The following CNTN6 variants were observed in gnomAD, a reference collection of about 807,000 sequenced individuals.
CNTN6 encodes contactin 6, also known as contactin-6.
A neutral mutation model predicts 122.8 loss-of-function variants in CNTN6; 137 were observed. The observed-to-expected ratio is 1.12, with a 90% CI of 0.97 to 1.29. The LOEUF (loss-of-function observed/expected upper bound fraction) is 1.29, where lower values mean the gene tolerates loss of function less well. Among genes scored for constraint, CNTN6 ranks in the 50% most tolerant of loss-of-function variants. The pLI is 0.00. For missense variants in CNTN6, 1,634 were observed against 1,223.4 expected (o/e 1.34, Z -5.01); for synonymous variants, 570 against 426.0 (o/e 1.34, Z -4.16).
chr3:1,227,761 G>A (rs1316047156), intron 3 of CNTN6, 57 bp from the exon 4 acceptor site: 9 of 1,549,052 alleles, frequency 5.8e-6, no homozygotes, highest in Non-Finnish European at 7.9e-6. Flanking sequence ...TGTTTTTTAA[G>A]ACAAAGATTG....
intron 2 of CNTN6, among the ~76,000 whole-genome samples, chr3:1,174,430 A>T (rs1006667335): frequency 2.0e-5 from 3 of 152,206 alleles, no homozygotes; most frequent in African/African-American, 7.2e-5. Context: ...ACTCAAACGG[A>T]AATTTTTTAG....
chr3:1,268,856 C>G (rs2094974147), intron 4 of CNTN6, among the ~76,000 whole-genome samples: 1 of 151,936 alleles, frequency 6.6e-6, no homozygotes, highest in Admixed American at 6.6e-5. Flanking sequence ...TGGCACACAC[C>G]TGTAATCCTA....
chr3:1,267,108 G>C (rs547808704), intron 4 of CNTN6, among the ~76,000 whole-genome samples: 1 of 151,800 alleles, frequency 6.6e-6, no homozygotes, highest in Non-Finnish European at 1.5e-5. Flanking sequence ...GAACTTTCTT[G>C]TTACCTACCA....
intron 5 of CNTN6, among the ~76,000 whole-genome samples, chr3:1,281,046 G>A (rs1433062043): frequency 1.3e-5 from 2 of 152,098 alleles, no homozygotes; most frequent in Non-Finnish European, 2.9e-5. Flanking sequence ...TACAGATCAT[G>A]CCCACAAAAG....
intron 2 of CNTN6, among the ~76,000 whole-genome samples, chr3:1,206,874 C>A (rs572321785): frequency 1.3e-5 from 2 of 152,136 alleles, no homozygotes; most frequent in Non-Finnish European, 2.9e-5. Flanking sequence ...TAGTCCATCA[C>A]TCTCATAGGA....
chr3:1,336,818 C>T (rs908992156), intron 11 of CNTN6, among the ~76,000 whole-genome samples: 2 of 152,078 alleles, frequency 1.3e-5, no homozygotes, highest in African/African-American at 2.4e-5. Flanking sequence ...TGCCTGGCTC[C>T]GCAATGCCCA....
At chr3:1,219,036 A>G (rs960367805) in intron 2 of CNTN6, among the ~76,000 whole-genome samples, 2 of 152,372 alleles carry the variant, frequency 1.3e-5, no homozygotes, top group Middle Eastern at 6.8e-3. Context: ...TAGCAAATGT[A>G]TTATAACTCA....
intron 17 of CNTN6, among the ~76,000 whole-genome samples, chr3:1,380,007 A>G (rs771886047): frequency 6.6e-6 from 1 of 152,206 alleles, no homozygotes; most frequent in Non-Finnish European, 1.5e-5. Flanking sequence ...TCAGAAGCGT[A>G]GAGGACAGAA....
intron 16 of CNTN6, among the ~76,000 whole-genome samples, chr3:1,374,421 G>T (rs1465081322): frequency 2.0e-5 from 3 of 152,040 alleles, no homozygotes; most frequent in Non-Finnish European, 4.4e-5. Flanking sequence ...TTGTAGCCAG[G>T]AATTAACTGA....
At chr3:1,362,844 A>T (rs17038231) in intron 12 of CNTN6, among the ~76,000 whole-genome samples, 3,756 of 151,934 alleles carry the variant, frequency 0.025, 181 homozygotes, top group African/African-American at 0.085. Flanking sequence ...TGCAAAGGAA[A>T]GCCTAGCTAA....
At chr3:1,399,207 C>A (rs578012830) in intron 20 of CNTN6, among the ~76,000 whole-genome samples, 124 of 151,976 alleles carry the variant, frequency 8.2e-4, no homozygotes, top group African/African-American at 2.5e-3. Context: ...TTTTAAAGAA[C>A]AGAGATAAAA....
intron 6 of CNTN6, among the ~76,000 whole-genome samples, chr3:1,296,089 G>A (rs949281433): frequency 6.6e-5 from 10 of 152,030 alleles, no homozygotes; most frequent in African/African-American, 1.4e-4. Context: ...ACGATGTTCC[G>A]GGGAGTTGGC....
At position 1,401,471 on chromosome 3, in the gene CNTN6, AC is replaced by A; in HGVS notation, c.2744del (p.Thr915LysfsTer7). 6.2e-7 allele frequency: 1 copy of A among 1,612,232 alleles called. No homozygotes were observed. Among genetic ancestry groups the A allele is most frequent in the Non-Finnish European group, 8.5e-7 (1 of 1,178,728 alleles). Reference sequence around the variant, plus strand: ...ACCAGCAAACATTGCCTGGAAGCTGACAAACTCTAAATTATGCTTGAACTGG... The same window carrying A: ...ACCAGCAAACATTGCCTGGAAGCTGAAAACTCTAAATTATGCTTGAACTGG... ...QPPANIAWKL[T>X]NSKLCLNWEH... On this transcript the variant is annotated frameshift_variant, in exon 21 of 23. Transcript: ENST00000446702. LOFTEE classifies it high-confidence loss of function.
Position 1,383,057 on chromosome 3 carries a change from T to TTGTC in CNTN6, c.2284_2287dup (p.Tyr763CysfsTer5). 1 of 1,614,032 alleles carries TTGTC rather than the reference T, an allele frequency of 6.2e-7. No individual in the cohort carries two copies. Among genetic ancestry groups the TTGTC allele is most frequent in the East Asian group, 2.2e-5 (1 of 44,878 alleles). On this transcript the variant is annotated frameshift_variant, in exon 18 of 23. Coordinates refer to ENST00000446702, the MANE Select transcript of CNTN6 (RefSeq NM_001289080.2). LOFTEE classifies it high-confidence loss of function. ...GTGTCATCTGTGGAATCATCAAGGTTTGTCTACAGAAATGAAAGCATCATC... is the reference window on the plus strand; with the variant it reads ...GTGTCATCTGTGGAATCATCAAGGTTTGTCTGTCTACAGAAATGAAAGCATCATC...
In CNTN6 at chr3:1,324,950, C is replaced by G. The variant is rs1333195673; in HGVS notation, c.947-865C>G. On this transcript the variant is annotated intron_variant, in intron 8 of 22. Coordinates refer to ENST00000446702, the MANE Select transcript of CNTN6 (RefSeq NM_001289080.2). Reference sequence around the variant, plus strand: ...TATAAAGCATCTGGCTTGCCACAGCCTGAGAGTCCAAGGGAAGCGTCATAT... The same window carrying G: ...TATAAAGCATCTGGCTTGCCACAGCGTGAGAGTCCAAGGGAAGCGTCATAT... Among the ~76,000 whole-genome samples, 3 of 139,904 alleles carry G rather than the reference C, an allele frequency of 2.1e-5. No homozygotes were observed. The East Asian group carries it at 5.8e-4, about 27-fold the overall frequency. 91.8% of individuals were successfully genotyped at this position (139,904 alleles called of 152,430 possible). A position where few individuals can be genotyped will look rare whatever the true frequency, so the allele number is the denominator to read the frequency against.
chr3:1,122,991 T>C (rs1357471182), intron 1 of CNTN6, among the ~76,000 whole-genome samples: 2 of 151,864 alleles, frequency 1.3e-5, no homozygotes, highest in Non-Finnish European at 2.9e-5. Context: ...TGGTTCTATG[T>C]GGAGTTTTTT....
chr3:1,151,485 T>A (rs1309787052), intron 2 of CNTN6, among the ~76,000 whole-genome samples: 1 of 152,228 alleles, frequency 6.6e-6, no homozygotes, highest in East Asian at 1.9e-4. Flanking sequence ...TGAAACTCTG[T>A]GAGGGCAGGA....
In CNTN6 at chr3:1,402,318, A is replaced by T; in HGVS notation, c.2818A>T (p.Ile940Phe). The T allele has an allele frequency of 6.2e-7, 1 of 1,606,458 alleles. No individual in the cohort carries two copies. The highest frequency in any genetic ancestry group is 1.1e-5 in the South Asian group (1 of 90,534). The change falls in exon 22 of 23, where the codon ATT becomes TTT. Residue 940 changes from isoleucine (I) to phenylalanine (F), a missense_variant and splice_region_variant. By Grantham distance (21) the Ile-to-Phe change is conservative. Coordinates refer to ENST00000446702, the MANE Select transcript of CNTN6 (RefSeq NM_001289080.2). ...TAACTTGATACCTCATTTTATTCAG[A>T]TTCTGTACCGGCAAAACAGACAGAG... ...ENESEVLGYK[I>F]LYRQNRQSKT...
chr3:1,103,006 T>G (rs778304511), intron 1 of CNTN6, among the ~76,000 whole-genome samples: 3 of 150,770 alleles, frequency 2.0e-5, no homozygotes, highest in Admixed American at 6.6e-5. Flanking sequence ...CTCGGGAGGC[T>G]GAGGCAGGAG....
Sources: gnomAD v4.1 joint callset for allele counts (sites outside exome capture counted in the v4.1 genomes callset) on GRCh38, gnomAD v4.1.1 for gene constraint, MANE v1.5 for transcripts, NCBI Gene and HGNC (gene_info 2026-07-23, HGNC 2026-07-21) for gene names.